Variants in DNHD1 observed in about 807,000 individuals in gnomAD.
DNHD1 encodes the protein dynein heavy chain domain 1.
DNHD1 carries 383 observed loss-of-function variants against 458.1 expected under a neutral mutation model. The observed-to-expected ratio is 0.84, with a 90% CI of 0.77 to 0.91. The LOEUF is 0.91. Among genes scored for constraint, DNHD1 ranks in the 40% least tolerant of loss-of-function variants. The pLI, the probability that DNHD1 is intolerant of heterozygous loss-of-function variation, is 0.00. For missense variants in DNHD1, 5,336 were observed against 5,866.1 expected (o/e 0.91, Z 2.95); for synonymous variants, 2,203 against 2,376.9 (o/e 0.93, Z 2.13).
intron 20 of DNHD1, 60 bp downstream of exon 20, chr11:6,544,731 G>A (rs1055305074): frequency 8.8e-5 from 135 of 1,539,746 alleles, no homozygotes; most frequent in Non-Finnish European, 1.1e-4. Context: ...AGGGCTCAGC[G>A]TGGGAAAGGG....
At position 6,502,843 on chromosome 11, in the gene DNHD1, G is replaced by A; in HGVS notation, c.837G>A (p.Gln279=). Residue 279 remains glutamine (Q), a synonymous_variant, in exon 4 of 43, where the codon CAG becomes CAA. Coordinates refer to ENST00000254579, the MANE Select transcript of DNHD1 (RefSeq NM_144666.3). The stretch of plus-strand genomic sequence containing the variant: ...CTGAGACTTCCTTCCTGGATAGCCA[G>A]GTGATGACTGCTCTGAAGATGGAGA... ...FSPETSFLDS[Q]VMTALKMERY... 3.1e-6 allele frequency: 5 copies of A among 1,613,292 alleles called. No individual in the cohort carries two copies. The highest frequency in any genetic ancestry group is 1.3e-5 in the African/African-American group (1 of 75,052).
At chr11:6,551,745 A>G (rs914539180) in intron 24 of DNHD1, among the ~76,000 whole-genome samples, 3 of 152,198 alleles carry the variant, frequency 2.0e-5, no homozygotes, top group Non-Finnish European at 2.9e-5. Context: ...GATGGAGACC[A>G]TCCTGGCCAA....
intron 6 of DNHD1, among the ~76,000 whole-genome samples, chr11:6,509,936 T>G (rs1852302994): frequency 6.6e-6 from 1 of 152,208 alleles, no homozygotes; most frequent in Non-Finnish European, 1.5e-5. Flanking sequence ...TAGTCACTAC[T>G]CAGTTCCAAC....
rs902535270 is a variant in DNHD1 at position 6,534,219 on chromosome 11, C to T, written c.2998+46C>T. On this transcript the variant is annotated intron_variant, in intron 14 of 42. Coordinates refer to ENST00000254579, the MANE Select transcript of DNHD1 (RefSeq NM_144666.3). ...CTCCATTATCACTCTGTGATAGACC[C>T]TTCAACTGAAGTAAGAGTTGGAACT... 12 of 1,518,414 alleles carry T rather than the reference C, an allele frequency of 7.9e-6. No individual in the cohort carries two copies. In the African/African-American group the frequency reaches 1.7e-4, roughly 21 times the overall value. The allele number at this position is 1,518,414 out of a possible 1,614,324, so 94.1% of individuals were successfully genotyped here. A position where few individuals can be genotyped will look rare whatever the true frequency, so the allele number is the denominator to read the frequency against.
Position 6,524,410 on chromosome 11 carries a change from T to A in DNHD1, c.1838-4112T>A, listed in dbSNP as rs149117163. On this transcript the variant is annotated intron_variant, in intron 10 of 42. Transcript: ENST00000254579. ...CAGTTCCTCTGCCCTGATTCCTGAG[T>A]CCAGTTATCTCTCCTTCCTTTGGAC... Among the ~76,000 whole-genome samples, 1,348 of 152,312 alleles carry A rather than the reference T, an allele frequency of 8.9e-3. 19 individuals carry two copies. Among genetic ancestry groups the A allele is most frequent in the African/African-American group, 0.031 (1,269 of 41,566 alleles).
At position 6,502,946 on chromosome 11, in the gene DNHD1, C is replaced by G; in HGVS notation, c.920+20C>G. On this transcript the variant is annotated intron_variant, in intron 4 of 42. Transcript: ENST00000254579. ...CTTTAGGTGATAGCCTATGTCCAGGCCCCTTCTCCTCCCCCTGCCTGGTTT... is the reference window on the plus strand; with the variant it reads ...CTTTAGGTGATAGCCTATGTCCAGGGCCCTTCTCCTCCCCCTGCCTGGTTT... The G allele has an allele frequency of 6.2e-7, 1 of 1,607,770 alleles. No individual in the cohort carries two copies. Among genetic ancestry groups the G allele is most frequent in the Non-Finnish European group, 8.5e-7 (1 of 1,177,742 alleles).
At chr11:6,540,186 C>A in intron 18 of DNHD1, 103 bp downstream of exon 18, 1 of 996,506 alleles carries the variant, frequency 1.0e-6, no homozygotes, top group South Asian at 1.5e-5. Flanking sequence ...TAGCCAGGGC[C>A]CCATCCTTAC....
intron 16 of DNHD1, 69 bp from the exon 17 acceptor site, chr11:6,539,150 G>A: frequency 9.1e-7 from 1 of 1,103,840 alleles, no homozygotes; most frequent in Non-Finnish European, 1.3e-6. Flanking sequence ...CTGGGCTCTG[G>A]GATATGGGAT....
At chr11:6,535,554 A>G (rs1188807266) in intron 14 of DNHD1, among the ~76,000 whole-genome samples, 2 of 152,246 alleles carry the variant, frequency 1.3e-5, no homozygotes, top group Non-Finnish European at 2.9e-5. Flanking sequence ...TGATGGGAGC[A>G]TATCACAAGG....
chr11:6,515,358 T>C (rs1852439124), intron 7 of DNHD1, among the ~76,000 whole-genome samples: 1 of 152,088 alleles, frequency 6.6e-6, no homozygotes, highest in African/African-American at 2.4e-5. Flanking sequence ...GTTCTAATAA[T>C]GTCCTTTATT....
rs781656663 is a variant in DNHD1, at chr11:6,567,206, C to T, written c.11697C>T (p.His3899=). Residue 3899 remains histidine (H), a synonymous_variant, in exon 36 of 43, where the codon CAC becomes CAT. Transcript: ENST00000254579. ...LDSMKPREIN[H]GEDLASHLLQ... ...GCATGAAGCCACGTGAGATTAATCA[C>T]GGGGAGGACCTGGCCAGCCATCTAC... 3.2e-5 allele frequency: 51 copies of T among 1,613,874 alleles called. No individual in the cohort carries two copies. Among genetic ancestry groups the T allele is most frequent in the Non-Finnish European group, 2.5e-5 (30 of 1,179,912 alleles).
chr11:6,546,159 A>G lies in DNHD1; in HGVS notation c.5220A>G (p.Lys1740=). ...GTGGTGCCTGGCTGCTGTTGGAGAA[A>G]GTTCATCAGCTGCCCCCTGGCTTGC... ...LQGGAWLLLE[K]VHQLPPGLLS... is the part of the protein sequence containing the mutation. Residue 1740 remains lysine (K), a synonymous_variant, in exon 21 of 43, where the codon AAA becomes AAG. Coordinates refer to ENST00000254579, the MANE Select transcript of DNHD1 (RefSeq NM_144666.3). 2.6e-6 allele frequency: 4 copies of G among 1,551,108 alleles called. No individual in the cohort carries two copies. The highest frequency in any genetic ancestry group is 1.2e-5 in the South Asian group (1 of 83,990).
intron 6 of DNHD1, 143 bp from the exon 7 acceptor site, chr11:6,511,130 C>A (rs997088896): frequency 1.8e-6 from 2 of 1,105,438 alleles, no homozygotes; most frequent in Non-Finnish European, 2.6e-6. Context: ...CGAGAGGGAG[C>A]TGTCACTATT....
At chr11:6,552,757 C>T (rs1387285006) in intron 24 of DNHD1, among the ~76,000 whole-genome samples, 1 of 152,040 alleles carries the variant, frequency 6.6e-6, no homozygotes, top group African/African-American at 2.4e-5. Context: ...ACTCACCTCC[C>T]ACCAGGTCCC....
At chr11:6,562,175 G>T (rs776259150) in intron 28 of DNHD1, among the ~76,000 whole-genome samples, 5 of 152,184 alleles carry the variant, frequency 3.3e-5, no homozygotes, top group Non-Finnish European at 7.3e-5. Context: ...AGGTCTCAAA[G>T]ATGGGCTGGA....
chr11:6,567,780 T>C lies in DNHD1; in HGVS notation c.12271T>C (p.Leu4091=). The C allele has an allele frequency of 6.2e-7, 1 of 1,613,996 alleles. No homozygotes were observed. Among genetic ancestry groups the C allele is most frequent in the East Asian group, 2.2e-5 (1 of 44,888 alleles). The change falls in exon 36 of 43, where the codon TTG becomes CTG. Residue 4091 remains leucine, a synonymous_variant. Transcript: ENST00000254579. ...TCAGGCTACTCAGCCCATGCTGATC[T>C]TGTTGCCACCGCCTGGCCACCCCTC... ...HSQATQPMLI[L]LPPPGHPSAT...
intron 7 of DNHD1, among the ~76,000 whole-genome samples, chr11:6,511,831 A>T (rs1852339648): frequency 6.6e-6 from 1 of 152,196 alleles, no homozygotes; most frequent in Non-Finnish European, 1.5e-5. Flanking sequence ...GGAAGGATGC[A>T]ATGATGGAGT....
At chr11:6,507,815 T>C (rs1165073461) in intron 4 of DNHD1, among the ~76,000 whole-genome samples, 2 of 152,258 alleles carry the variant, frequency 1.3e-5, no homozygotes, top group African/African-American at 4.8e-5. Context: ...TTGTTTCAGT[T>C]TTCCTATCTG....
In DNHD1 at chr11:6,566,226, G is replaced by A; in HGVS notation, c.11054-15G>A. Reference sequence around the variant, plus strand: ...CTGGCATTGTGGGTAGGGTGCCTTTGCCTCCCTCTCACAGGCCTGCCTGTG... The same window carrying A: ...CTGGCATTGTGGGTAGGGTGCCTTTACCTCCCTCTCACAGGCCTGCCTGTG... On this transcript the variant is annotated splice_polypyrimidine_tract_variant and intron_variant, in intron 33 of 42. Coordinates refer to ENST00000254579, the MANE Select transcript of DNHD1 (RefSeq NM_144666.3). 4 of 1,550,168 alleles carry A rather than the reference G, an allele frequency of 2.6e-6. No individual in the cohort carries two copies. The highest frequency in any genetic ancestry group is 3.5e-6 in the Non-Finnish European group (4 of 1,146,086).
Sources: gnomAD v4.1 joint callset for allele counts (sites outside exome capture counted in the v4.1 genomes callset) on GRCh38, gnomAD v4.1.1 for gene constraint, MANE v1.5 for transcripts, NCBI Gene and HGNC (gene_info 2026-07-23, HGNC 2026-07-21) for gene names.